Variants in ARVCF observed in about 807,000 individuals in gnomAD.
ARVCF encodes the protein ARVCF delta catenin family member.
A neutral mutation model predicts 90.9 loss-of-function variants in ARVCF; 66 were observed. The observed-to-expected ratio is 0.73, with a 90% CI of 0.60 to 0.89. The LOEUF (loss-of-function observed/expected upper bound fraction) is 0.89. Ranked by LOEUF, ARVCF falls within the 40% of genes least tolerant of loss-of-function variation. The pLI is 0.00. For missense variants in ARVCF, 1,469 were observed against 1,382.3 expected, an observed-to-expected ratio of 1.06 and a Z score of -1.00; for synonymous variants, 653 against 603.4, an observed-to-expected ratio of 1.08 and a Z score of -1.21.
At chr22:20,001,226 G>A (rs1229070540) in intron 2 of ARVCF, among the ~76,000 whole-genome samples, 2 of 152,126 alleles carry the variant, frequency 1.3e-5, no homozygotes, top group African/African-American at 2.4e-5. Context: ...GCCTGCCCCT[G>A]ACACCAAGAT....
At chr22:19,999,779 C>T (rs546212298) in intron 2 of ARVCF, among the ~76,000 whole-genome samples, 1 of 152,164 alleles carries the variant, frequency 6.6e-6, no homozygotes, top group Admixed American at 6.5e-5. Flanking sequence ...GGCTGAGGGA[C>T]CACTAGATGC....
chr22:19,974,331 G>GT (rs1363526544), intron 11 of ARVCF, 92 bp from the exon 12 acceptor site: 1 of 1,438,370 alleles, frequency 7.0e-7, no homozygotes, highest in East Asian at 2.5e-5. Context: ...CTCCCAGGGC[G>GT]TGGGTGAGCT....
chr22:19,968,616 C>A, downstream of ARVCF: 1 of 1,614,080 alleles, frequency 6.2e-7, no homozygotes, highest in Non-Finnish European at 8.5e-7. Context: ...TCCTAGCACA[C>A]GTGCGCGGGA....
chr22:19,978,247 GC>G (rs927950290), intron 7 of ARVCF, among the ~76,000 whole-genome samples, 172 bp from the exon 8 acceptor site: 7 of 152,182 alleles, frequency 4.6e-5, no homozygotes, highest in African/African-American at 1.4e-4. Context: ...GAAGCTAACT[GC>G]CCCCAGGCCT....
chr22:19,968,685 C>T (rs201893998), downstream of ARVCF: 23 of 1,613,846 alleles, frequency 1.4e-5, no homozygotes, highest in African/African-American at 6.7e-5. Flanking sequence ...AGGTGGTGGA[C>T]GGCCTGGAGA....
intron 4 of ARVCF, 67 bp from the exon 5 acceptor site, chr22:19,981,804 G>C: frequency 6.5e-7 from 1 of 1,549,822 alleles, no homozygotes; most frequent in East Asian, 2.3e-5. Context: ...GCTGGGGTCT[G>C]GCTGGCCTTA....
rs755701196 is a variant in ARVCF, at chr22:19,979,772, C to A, written c.1367G>T (p.Arg456Leu). The change falls in exon 6 of 20, where the codon CGG becomes CTG. Residue 456 changes from arginine (R) to leucine (L), a missense_variant. Arg to Leu is a moderately radical substitution (Grantham distance 102, BLOSUM62 -2). Coordinates refer to ENST00000263207, the MANE Select transcript of ARVCF (RefSeq NM_001670.3). ...GACAAGCTCACGGACCTCGTTGTCC[C>A]GGGCAGCCCTCAGCAGGCGCACCAG... ...PALVRLLRAA[R>L]DNEVRELVTG... 3.7e-6 allele frequency: 6 copies of A among 1,605,960 alleles called. No homozygotes were observed. In the Admixed American group the frequency reaches 1.0e-4, roughly 27 times the overall value.
Position 19,973,811 on chromosome 22 carries a change from G to C in ARVCF, c.2089-18C>G. On this transcript the variant is annotated intron_variant, in intron 12 of 19. Transcript: ENST00000263207. ...GTGGCCCACTGCGGAGGCGGGGAGAGGGTTGCTCAGACATACATGCCAGGC... is the reference window on the plus strand; with the variant it reads ...GTGGCCCACTGCGGAGGCGGGGAGACGGTTGCTCAGACATACATGCCAGGC... 1.3e-6 allele frequency: 2 copies of C among 1,594,982 alleles called. No homozygotes were observed. Among genetic ancestry groups the C allele is most frequent in the South Asian group, 2.2e-5 (2 of 90,582 alleles).
intron 2 of ARVCF, among the ~76,000 whole-genome samples, chr22:20,003,953 T>C (rs1217858035): frequency 6.6e-6 from 1 of 152,174 alleles, no homozygotes; most frequent in Non-Finnish European, 1.5e-5. Context: ...CATAACCTTA[T>C]ATAAAACCGT....
chr22:20,007,991 C>T, intron 2 of ARVCF, among the ~76,000 whole-genome samples: 1 of 152,220 alleles, frequency 6.6e-6, no homozygotes, highest in African/African-American at 2.4e-5. Flanking sequence ...GTTGACTACA[C>T]AGAGAGACGG....
Position 19,977,475 on chromosome 22 carries a change from C to T in ARVCF, c.1810G>A (p.Val604Ile), listed in dbSNP as rs1458934529. ...TCCCGCCTCCGGCGCTGGGAGCCTA[C>T]AGCACTGCCCAGGGGCCCGGGCTCG... Reference protein sequence around the residue: ...EAEPGPLGSAVGSQRRRRDDA... With the variant: ...EAEPGPLGSAIGSQRRRRDDA... The change falls in exon 9 of 20, where the codon GTA (valine) becomes ATA (isoleucine). Residue 604 changes from valine to isoleucine, a missense_variant. Physicochemically the swap from Val to Ile is conservative, Grantham distance 29. Transcript: ENST00000263207. 11 of 1,586,554 alleles carry T rather than the reference C, an allele frequency of 6.9e-6. No individual in the cohort carries two copies. Among genetic ancestry groups the T allele is most frequent in the Non-Finnish European group, 6.9e-6 (8 of 1,167,112 alleles).
chr22:20,012,358 G>A lies in ARVCF; in HGVS notation c.-72-1850C>T, dbSNP rs145875228. Among the ~76,000 whole-genome samples the A allele has an allele frequency of 3.9e-3, 593 of 152,376 alleles. 7 individuals are homozygous for A. The highest frequency in any genetic ancestry group is 6.4e-3 in the Non-Finnish European group (438 of 68,028). ...AGGGTGCACTAGGCACATCAGCATCGTACAGGCAGGGGCAGAGCAGAGCAT... is the reference window on the plus strand; with the variant it reads ...AGGGTGCACTAGGCACATCAGCATCATACAGGCAGGGGCAGAGCAGAGCAT... On this transcript the variant is annotated intron_variant, in intron 1 of 19. Transcript: ENST00000263207.
rs1378518923 is a variant in ARVCF, at chr22:19,981,478, A to G, written c.629T>C (p.Met210Thr). ...AAGGGGGCCAGCACGTGGGGGCCGC[A>G]TGCCCAGCCCTCGGGACAGGCTGCC... is the stretch of plus-strand genomic sequence containing the variant. The part of the protein sequence containing the change: ...SYGSLSRGLG[M>T]RPPRAGPLGP... The change falls in exon 5 of 20, where the codon ATG becomes ACG. Residue 210 changes from methionine (M) to threonine (T), a missense_variant. Coordinates refer to ENST00000263207, the MANE Select transcript of ARVCF (RefSeq NM_001670.3). The G allele has an allele frequency of 2.6e-6, 4 of 1,547,788 alleles. No individual in the cohort carries two copies. Among genetic ancestry groups the G allele is most frequent in the Admixed American group, 3.9e-5 (2 of 51,222 alleles).
intron 17 of ARVCF, 64 bp downstream of exon 17, chr22:19,972,294 G>A: frequency 1.2e-6 from 2 of 1,605,204 alleles, no homozygotes; most frequent in South Asian, 2.2e-5. Context: ...AAAACCAGCA[G>A]GCCCACTTCA....
intron 2 of ARVCF, among the ~76,000 whole-genome samples, chr22:19,997,994 C>T (rs530314420): frequency 1.3e-5 from 2 of 152,330 alleles, no homozygotes; most frequent in South Asian, 2.1e-4. Context: ...GTCCTCTGTA[C>T]TCTGGGGTGG....
downstream of ARVCF, chr22:19,968,782 C>G (rs1424789939): frequency 6.4e-7 from 1 of 1,569,390 alleles, no homozygotes; most frequent in Non-Finnish European, 8.7e-7. Flanking sequence ...CAGCCTGGTA[C>G]TGAAGGTGCC....
At chr22:19,971,675 C>T (rs1225004002) in intron 18 of ARVCF, among the ~76,000 whole-genome samples, 1 of 152,184 alleles carries the variant, frequency 6.6e-6, no homozygotes, top group African/African-American at 2.4e-5. Flanking sequence ...CAGGGTGTGG[C>T]CGGGCAGTGT....
intron 10 of ARVCF, 49 bp downstream of exon 10, chr22:19,976,657 T>C: frequency 6.5e-7 from 1 of 1,549,564 alleles, no homozygotes; most frequent in Non-Finnish European, 8.7e-7. Context: ...TCTTCCCAGG[T>C]ACCCACTGCA....
chr22:19,977,491 C>G lies in ARVCF; in HGVS notation c.1794G>C (p.Gly598=). 6.3e-7 allele frequency: 1 copy of G among 1,598,860 alleles called. No individual in the cohort carries two copies. Among genetic ancestry groups the G allele is most frequent in the Non-Finnish European group, 8.5e-7 (1 of 1,171,814 alleles). ...GADRYQEAEP[G]PLGSAVGSQR... is the part of the protein sequence containing the mutation. ...GGGAGCCTACAGCACTGCCCAGGGG[C>G]CCGGGCTCGGCCTCCTGGTACCTGT... Residue 598 remains glycine, a synonymous_variant, in exon 9 of 20, where the codon GGG becomes GGC. Transcript: ENST00000263207.
Sources: gnomAD v4.1 joint callset for allele counts (sites outside exome capture counted in the v4.1 genomes callset) on GRCh38, gnomAD v4.1.1 for gene constraint, MANE v1.5 for transcripts, NCBI Gene and HGNC (gene_info 2026-07-23, HGNC 2026-07-21) for gene names.